The following RORB variants were observed in gnomAD, a reference collection of about 807,000 sequenced individuals.
RORB encodes nuclear receptor ROR-beta.
Under a neutral mutation model 59.1 loss-of-function variants are expected in RORB, and 6 were observed. The observed-to-expected ratio is 0.10, with a 90% CI of 0.06 to 0.20. The LOEUF (loss-of-function observed/expected upper bound fraction) is 0.20. Ranked by LOEUF, RORB falls within the 10% of genes least tolerant of loss-of-function variation. RORB has a pLI of 1.00. For synonymous variants in RORB, 215 were observed against 204.5 expected (o/e 1.05, Z -0.44); for missense variants, 320 against 560.5 (o/e 0.57, Z 4.33).
chr9:74,658,242 A>T (rs1387703620), intron 4 of RORB, among the ~76,000 whole-genome samples: 3 of 152,124 alleles, frequency 2.0e-5, no homozygotes, highest in East Asian at 3.9e-4. Context: ...ACAAGGGCTC[A>T]ATTGAGGCAG....
chr9:74,520,539 T>C (rs934382973), intron 1 of RORB, among the ~76,000 whole-genome samples: 12 of 151,970 alleles, frequency 7.9e-5, no homozygotes, highest in African/African-American at 2.9e-4. Flanking sequence ...AATAAGGCAA[T>C]AAATATCAAA....
rs1163993855 is a variant in RORB, at chr9:74,684,370, A to AG, written c.1225-1093_1225-1092insG. 2.0e-5 allele frequency among the ~76,000 whole-genome samples: 3 copies of AG among 152,232 alleles called. No individual in the cohort carries two copies. The East Asian group carries it at 5.8e-4, about 29-fold the overall frequency. On this transcript the variant is annotated intron_variant, in intron 9 of 9. Coordinates refer to ENST00000376896, the MANE Select transcript of RORB (RefSeq NM_006914.4). ...TAGGTTTTGTTTAACTGTATTTTTC[A>AG]TCAATTTCAAGTGTGTCTTTAGTCA...
intron 1 of RORB, among the ~76,000 whole-genome samples, chr9:74,572,268 A>G (rs1158175664): frequency 6.6e-6 from 1 of 152,178 alleles, no homozygotes; most frequent in Non-Finnish European, 1.5e-5. Context: ...GATGGTTATG[A>G]TGGGTACTGA....
chr9:74,645,176 T>G (rs1156552850), intron 4 of RORB, among the ~76,000 whole-genome samples: 1 of 152,162 alleles, frequency 6.6e-6, no homozygotes, highest in Non-Finnish European at 1.5e-5. Context: ...TAAGCCTAAA[T>G]AGTGGTTTGG....
chr9:74,534,622 G>C (rs1197319706), intron 1 of RORB, among the ~76,000 whole-genome samples: 1 of 151,812 alleles, frequency 6.6e-6, no homozygotes, highest in East Asian at 1.9e-4. Context: ...TTCTGGGTGA[G>C]CCTGCCTGTC....
chr9:74,672,231 C>T (rs1824358698), intron 9 of RORB, among the ~76,000 whole-genome samples: 1 of 152,106 alleles, frequency 6.6e-6, no homozygotes, highest in Admixed American at 6.6e-5. Context: ...AAAGAGAGGG[C>T]TTTGTGCCAG....
intron 1 of RORB, among the ~76,000 whole-genome samples, chr9:74,551,501 T>C (rs893085197): frequency 3.9e-5 from 6 of 152,184 alleles, no homozygotes; most frequent in Non-Finnish European, 7.3e-5. Context: ...CAGAGCGGGA[T>C]GACAAGAGAT....
chr9:74,538,953 T>C (rs1236186430), intron 1 of RORB, among the ~76,000 whole-genome samples: 1 of 152,142 alleles, frequency 6.6e-6, no homozygotes, highest in Non-Finnish European at 1.5e-5. Flanking sequence ...AAGAAGATAG[T>C]GGCAGCTATT....
chr9:74,558,577 G>A (rs1563937229), intron 1 of RORB, among the ~76,000 whole-genome samples: 1 of 152,198 alleles, frequency 6.6e-6, no homozygotes, highest in Non-Finnish European at 1.5e-5. Context: ...TGCATGGGTT[G>A]AGTGGATCAC....
At chr9:74,608,496 G>A (rs985646493) in intron 1 of RORB, among the ~76,000 whole-genome samples, 69 of 150,770 alleles carry the variant, frequency 4.6e-4, no homozygotes, top group African/African-American at 1.5e-3. Flanking sequence ...CCCGGGAGGC[G>A]GAGCTTGCAG....
intron 1 of RORB, among the ~76,000 whole-genome samples, chr9:74,523,721 C>T (rs1248454459): frequency 1.3e-5 from 2 of 151,926 alleles, no homozygotes; most frequent in Admixed American, 1.3e-4. Context: ...AACTCTTTGT[C>T]TAGAAGACGG....
In RORB at chr9:74,667,907, GC is replaced by G; in HGVS notation, c.1111+7del. 6.4e-7 allele frequency: 1 copy of G among 1,553,330 alleles called. No individual in the cohort carries two copies. The highest frequency in any genetic ancestry group is 8.9e-7 in the Non-Finnish European group (1 of 1,124,520). On this transcript the variant is annotated splice_region_variant and intron_variant, in intron 8 of 9. Coordinates refer to ENST00000376896, the MANE Select transcript of RORB (RefSeq NM_006914.4). ...TGCTGTTCTGATATCTCCAGGTAGGGCAGTCTCAGTTCTCTTACCTTTTTAA... is the reference window on the plus strand; with the variant it reads ...TGCTGTTCTGATATCTCCAGGTAGGGAGTCTCAGTTCTCTTACCTTTTTAA...
chr9:74,501,194 T>G (rs1054733913), intron 1 of RORB, among the ~76,000 whole-genome samples: 2 of 152,188 alleles, frequency 1.3e-5, no homozygotes, highest in African/African-American at 4.8e-5. Flanking sequence ...TGATTGTCGC[T>G]GGGGCGGATT....
At chr9:74,547,908 C>T (rs557208698) in intron 1 of RORB, among the ~76,000 whole-genome samples, 1 of 152,176 alleles carries the variant, frequency 6.6e-6, no homozygotes, top group South Asian at 2.1e-4. Context: ...TGAAAGGAGG[C>T]AAGTAAGAAA....
intron 4 of RORB, among the ~76,000 whole-genome samples, 172 bp from the exon 5 acceptor site, chr9:74,660,445 G>A (rs906910976): frequency 1.3e-5 from 2 of 151,950 alleles, no homozygotes; most frequent in African/African-American, 4.8e-5. Flanking sequence ...ACTGAAAATT[G>A]AAAAAATGCA....
At chr9:74,604,237 A>C (rs969950322) in intron 1 of RORB, among the ~76,000 whole-genome samples, 1 of 152,160 alleles carries the variant, frequency 6.6e-6, no homozygotes, top group Non-Finnish European at 1.5e-5. Flanking sequence ...GTTTTGAGGG[A>C]TGCTAACGAG....
chr9:74,524,535 T>C (rs1808340322), intron 1 of RORB, among the ~76,000 whole-genome samples: 2 of 151,992 alleles, frequency 1.3e-5, no homozygotes, highest in African/African-American at 4.8e-5. Flanking sequence ...TTTAAATGCA[T>C]GCATAAAAGA....
intron 7 of RORB, among the ~76,000 whole-genome samples, 158 bp from the exon 8 acceptor site, chr9:74,667,633 T>G (rs1427749125): frequency 6.6e-6 from 1 of 152,226 alleles, no homozygotes; most frequent in East Asian, 1.9e-4. Flanking sequence ...CTTTGATTAG[T>G]ATCAAATCAC....
At chr9:74,562,508 G>T (rs1478368007) in intron 1 of RORB, among the ~76,000 whole-genome samples, 1 of 152,088 alleles carries the variant, frequency 6.6e-6, no homozygotes, top group Non-Finnish European at 1.5e-5. Flanking sequence ...GAATGCTTTG[G>T]GAGGCACTCC....
Sources: gnomAD v4.1 joint callset for allele counts (sites outside exome capture counted in the v4.1 genomes callset) on GRCh38, gnomAD v4.1.1 for gene constraint, MANE v1.5 for transcripts, NCBI Gene and HGNC (gene_info 2026-07-23, HGNC 2026-07-21) for gene names.